IL1RAPL2: variants seen among roughly 807,000 people sequenced by gnomAD.
The protein encoded by IL1RAPL2 is X-linked interleukin-1 receptor accessory protein-like 2.
Under a neutral mutation model 44.1 loss-of-function variants are expected in IL1RAPL2, and 3 were observed. The observed-to-expected ratio is 0.07, with a 90% CI of 0.03 to 0.18. The LOEUF is 0.18. Among genes scored for constraint, IL1RAPL2 ranks in the 10% least tolerant of loss-of-function variants. The probability of loss-of-function intolerance (pLI) is 1.00; values close to 1 mark genes in which losing one functional copy is unlikely to be tolerated. For synonymous variants in IL1RAPL2, 181 were observed against 178.8 expected (o/e 1.01, Z -0.10); for missense variants, 391 against 496.4 (o/e 0.79, Z 2.02).
At chrX:104,755,769 T>C (rs959994489) in intron 2 of IL1RAPL2, among the ~76,000 whole-genome samples, 4 of 111,091 alleles carry the variant, frequency 3.6e-5, no homozygotes, top group South Asian at 3.8e-4. Context: ...AGGACTATTA[T>C]AAGGCCAGAT....
chrX:105,696,253 C>A (rs947083679), intron 6 of IL1RAPL2, among the ~76,000 whole-genome samples: 2 of 111,829 alleles, frequency 1.8e-5, no homozygotes, highest in Non-Finnish European at 3.8e-5. Flanking sequence ...AATTTTGAGA[C>A]ATGTGGCGCT....
rs1283323324 is a variant in IL1RAPL2, at chrX:105,447,425, ATATATAAATATAAG to A, written c.698-36874_698-36861del. On this transcript the variant is annotated intron_variant, in intron 5 of 10. Transcript: ENST00000372582. ...AATATATAAATATAAATATATAAAT[ATATATAAATATAAG>A]TATATAAATATAAATAAACATAAAT... 1.9e-3 allele frequency among the ~76,000 whole-genome samples: 139 copies of A among 72,970 alleles called. 2 individuals carry two copies. The highest frequency in any genetic ancestry group is 7.1e-3 in the African/African-American group (123 of 17,334). The allele number at this position is 72,970 out of a possible 115,157, so 63.4% of individuals were successfully genotyped here.
intron 6 of IL1RAPL2, among the ~76,000 whole-genome samples, chrX:105,629,555 G>T (rs1390927897): frequency 9.0e-6 from 1 of 111,349 alleles, no homozygotes; most frequent in East Asian, 2.8e-4. Flanking sequence ...ACAACAGTTT[G>T]CTTTTGAGTT....
intron 5 of IL1RAPL2, among the ~76,000 whole-genome samples, chrX:105,431,042 T>C (rs1006476280): frequency 6.2e-5 from 7 of 112,343 alleles, no homozygotes; most frequent in African/African-American, 1.9e-4. Context: ...GTAAAACTTA[T>C]TTAGTAAAAC....
At chrX:105,742,051 C>CTTAT (rs1333909497) in intron 8 of IL1RAPL2, among the ~76,000 whole-genome samples, 4 of 111,496 alleles carry the variant, frequency 3.6e-5, no homozygotes, top group Admixed American at 1.9e-4. Context: ...TCATCTCAGT[C>CTTAT]TTATTTCGGG....
chrX:104,692,259 T>A (rs1016314239), intron 2 of IL1RAPL2, among the ~76,000 whole-genome samples: 2 of 110,946 alleles, frequency 1.8e-5, no homozygotes, highest in Non-Finnish European at 3.8e-5. Context: ...ATATATGCAC[T>A]TTTTCTATCA....
chrX:104,638,326 C>T (rs1929867347), intron 1 of IL1RAPL2, among the ~76,000 whole-genome samples: 1 of 110,704 alleles, frequency 9.0e-6, no homozygotes, highest in Non-Finnish European at 1.9e-5. Flanking sequence ...TTCTATTGGT[C>T]CTGTATCCTT....
chrX:105,740,776 C>A, intron 8 of IL1RAPL2, 85 bp downstream of exon 8: 1 of 906,747 alleles, frequency 1.1e-6, no homozygotes, highest in South Asian at 2.7e-5. Context: ...TTTATTTTAT[C>A]ATGTAGTGTA....
intron 6 of IL1RAPL2, among the ~76,000 whole-genome samples, chrX:105,486,732 C>CTG (rs1339962250): frequency 2.8e-4 from 21 of 74,854 alleles, no homozygotes; most frequent in African/African-American, 1.8e-3. Flanking sequence ...ATCTATATAT[C>CTG]TATATCTATC....
intron 5 of IL1RAPL2, among the ~76,000 whole-genome samples, chrX:105,340,410 G>A (rs1258362331): frequency 8.9e-6 from 1 of 111,830 alleles, no homozygotes; most frequent in Non-Finnish European, 1.9e-5. Context: ...CTGATTTACT[G>A]CAAAAATCTC....
At chrX:104,989,197 A>G (rs772646359) in intron 2 of IL1RAPL2, among the ~76,000 whole-genome samples, 2 of 111,586 alleles carry the variant, frequency 1.8e-5, no homozygotes, top group South Asian at 7.6e-4. Context: ...TGGGCAGCAA[A>G]CAAGGCATAG....
rs1168173008 is a variant in IL1RAPL2 at position 104,901,333 on chromosome X, C to T, written c.82+242338C>T. ...TCACACCATTCTCCTGCCTCAGCCT[C>T]GCGAGTAGCTGGGACTACAGGCGCC... On this transcript the variant is annotated intron_variant, in intron 2 of 10. Transcript: ENST00000372582. Among the ~76,000 whole-genome samples, 3 of 105,858 alleles carry T rather than the reference C, an allele frequency of 2.8e-5. No individual in the cohort carries two copies. The Admixed American group carries it at 3.1e-4, about 11-fold the overall frequency. 91.9% of individuals were successfully genotyped at this position (105,858 alleles called of 115,157 possible).
At chrX:105,173,906 G>A (rs1457032768) in intron 2 of IL1RAPL2, among the ~76,000 whole-genome samples, 5 of 109,937 alleles carry the variant, frequency 4.5e-5, no homozygotes, top group East Asian at 2.9e-4. Flanking sequence ...CTAATTTTTT[G>A]TATTTTAGTG....
intron 2 of IL1RAPL2, among the ~76,000 whole-genome samples, chrX:105,050,603 G>T (rs978500802): frequency 1.3e-4 from 15 of 111,977 alleles, no homozygotes; most frequent in African/African-American, 4.9e-4. Context: ...GATCTTTGGG[G>T]TGTCGATTTT....
intron 5 of IL1RAPL2, among the ~76,000 whole-genome samples, chrX:105,411,573 G>C: frequency 9.0e-6 from 1 of 111,244 alleles, no homozygotes; most frequent in Non-Finnish European, 1.9e-5. Flanking sequence ...GAGACCAAAA[G>C]ATTATTGTAT....
rs895145938 is a variant in IL1RAPL2, at chrX:105,387,745, T to C, written c.698-96568T>C. Reference sequence around the variant, plus strand: ...CTTTTCAAATTAGGGAATAACAGACTTGGCATTTATATACTTTAAACACTT... The same window carrying C: ...CTTTTCAAATTAGGGAATAACAGACCTGGCATTTATATACTTTAAACACTT... On this transcript the variant is annotated intron_variant, in intron 5 of 10. Transcript: ENST00000372582. Among the ~76,000 whole-genome samples the C allele has an allele frequency of 7.2e-5, 8 of 111,428 alleles. No individual in the cohort carries two copies. In the East Asian group the frequency reaches 2.0e-3, roughly 28 times the overall value.
chrX:104,789,727 T>C (rs1932816164), intron 2 of IL1RAPL2, among the ~76,000 whole-genome samples: 1 of 112,170 alleles, frequency 8.9e-6, no homozygotes. Context: ...TGCATGTAAA[T>C]TTGAAGTAAG....
At position 104,595,549 on chromosome X, in the gene IL1RAPL2, G is replaced by C. The variant is rs188642669; in HGVS notation, c.-20+28498G>C. 3.7e-3 allele frequency among the ~76,000 whole-genome samples: 415 copies of C among 111,546 alleles called. 2 individuals carry two copies. Among genetic ancestry groups the C allele is most frequent in the Non-Finnish European group, 5.6e-3 (300 of 53,124 alleles). On this transcript the variant is annotated intron_variant, in intron 1 of 10. Transcript: ENST00000372582. ...GTATTTAAATTTTGCAAGTCTTCTGGATGCTTGACCTAGAAAATATGCCTT... is the reference window on the plus strand; with the variant it reads ...GTATTTAAATTTTGCAAGTCTTCTGCATGCTTGACCTAGAAAATATGCCTT...
At chrX:105,458,466 A>G (rs1357422172) in intron 5 of IL1RAPL2, among the ~76,000 whole-genome samples, 1 of 111,879 alleles carries the variant, frequency 8.9e-6, no homozygotes, top group Non-Finnish European at 1.9e-5. Flanking sequence ...CTAATGTATT[A>G]TGTTCACAGA....
Sources: gnomAD v4.1 joint callset for allele counts (sites outside exome capture counted in the v4.1 genomes callset) on GRCh38, gnomAD v4.1.1 for gene constraint, MANE v1.5 for transcripts, NCBI Gene and HGNC (gene_info 2026-07-23, HGNC 2026-07-21) for gene names.